RUNX3: variants seen among roughly 807,000 people sequenced by gnomAD.
RUNX3 encodes the protein RUNX family transcription factor 3, also known as runt-related transcription factor 3.
Under a neutral mutation model 27.7 loss-of-function variants are expected in RUNX3, and 10 were observed. The ratio of observed to expected loss-of-function variants is 0.36; its 90% CI spans 0.22 to 0.61. The LOEUF is 0.61. RUNX3 is among the 20% of genes least tolerant of loss of function. The probability of loss-of-function intolerance (pLI) is 0.72; values close to 1 mark genes in which losing one functional copy is unlikely to be tolerated. For missense variants in RUNX3, 469 were observed against 629.5 expected (o/e 0.75, Z 2.73); for synonymous variants, 270 against 269.2 (o/e 1.00, Z -0.03).
At chr1:24,952,715 ACAG>A (rs1219556008) in intron 2 of RUNX3, among the ~76,000 whole-genome samples, 2 of 152,166 alleles carry the variant, frequency 1.3e-5, no homozygotes, top group African/African-American at 4.8e-5. Context: ...TTCAGCCCCC[ACAG>A]CGGCCTGGAG....
intron 2 of RUNX3, among the ~76,000 whole-genome samples, chr1:24,939,567 G>A (rs548238567): frequency 1.3e-4 from 20 of 152,350 alleles, no homozygotes; most frequent in African/African-American, 4.3e-4. Flanking sequence ...ACAGAGGCAG[G>A]CATGGAATCA....
chr1:24,954,367 C>G (rs1250428135), intron 2 of RUNX3, among the ~76,000 whole-genome samples: 1 of 152,110 alleles, frequency 6.6e-6, no homozygotes, highest in Non-Finnish European at 1.5e-5. Flanking sequence ...ATGCTCTCAC[C>G]CAAGGCTTCA....
At chr1:24,903,319 G>A (rs1300454107) in intron 4 of RUNX3, among the ~76,000 whole-genome samples, 1 of 152,208 alleles carries the variant, frequency 6.6e-6, no homozygotes, top group Admixed American at 6.5e-5. Flanking sequence ...GTTCACAGGA[G>A]CTCTGGCCTC....
At chr1:24,961,668 C>T (rs532981109) in intron 2 of RUNX3, 2 of 152,334 alleles carry the variant, frequency 1.3e-5, no homozygotes, top group Admixed American at 1.3e-4. Flanking sequence ...TGCCCAGGCC[C>T]AAACCCTAGA....
At chr1:24,941,802 C>T (rs780713807) in intron 2 of RUNX3, among the ~76,000 whole-genome samples, 1 of 152,208 alleles carries the variant, frequency 6.6e-6, no homozygotes, top group African/African-American at 2.4e-5. Flanking sequence ...AGGGTCATGG[C>T]TGCTGGGGAG....
intron 2 of RUNX3, among the ~76,000 whole-genome samples, chr1:24,921,335 T>C (rs1384326154): frequency 6.6e-6 from 1 of 152,128 alleles, no homozygotes; most frequent in Non-Finnish European, 1.5e-5. Flanking sequence ...CCAGGAGCCA[T>C]GCCACAGGAC....
In RUNX3 at chr1:24,919,545, G is replaced by A. The variant is rs193191215; in HGVS notation, c.440-201C>T. 64 of 481,644 alleles carry A rather than the reference G, an allele frequency of 1.3e-4. No individual in the cohort carries two copies. The Middle Eastern group carries it at 1.6e-3, about 12-fold the overall frequency. The allele number at this position is 481,644 out of a possible 1,614,324, so 29.8% of individuals were successfully genotyped here. A position where few individuals can be genotyped will look rare whatever the true frequency, so the allele number is the denominator to read the frequency against. On this transcript the variant is annotated intron_variant, in intron 2 of 4. Coordinates refer to ENST00000308873, the MANE Select transcript of RUNX3 (RefSeq NM_004350.3). ...CATTCAAGGCCCCTGGGGGTCTGAC[G>A]CCAACTTTGTCAACCCCCCGCCCCA...
rs3085849 is a variant in RUNX3, at chr1:24,901,036, G to GTTTTTTTTTTT, written c.*1075_*1085dup. On this transcript the variant is annotated 3_prime_UTR_variant, in exon 5 of 5. Coordinates refer to ENST00000308873, the MANE Select transcript of RUNX3 (RefSeq NM_004350.3). ...TGTTTTGTTTTTTTTTTGTTTTTTT[G>GTTTTTTTTTTT]TTTTTTTTTTTTTTTTGCTCAGGAC... is the stretch of plus-strand genomic sequence containing the variant. 4.1e-4 allele frequency: 48 copies of GTTTTTTTTTTT among 116,904 alleles called. No homozygotes were observed. The highest frequency in any genetic ancestry group is 1.2e-3 in the African/African-American group (34 of 29,038). The allele number at this position is 116,904 out of a possible 1,614,324, so 7.2% of individuals were successfully genotyped here.
chr1:24,916,266 G>A lies in RUNX3; in HGVS notation c.544+2974C>T, dbSNP rs746005258. Among the ~76,000 whole-genome samples, 16 of 152,198 alleles carry A rather than the reference G, an allele frequency of 1.1e-4. No homozygotes were observed. The highest frequency in any genetic ancestry group is 2.4e-4 in the Non-Finnish European group (16 of 68,034). ...TGAAGGTTGTGGGGGCACTTCCTGG[G>A]GCCAGGCCCCGGTAAACTCAGTCAA... On this transcript the variant is annotated intron_variant, in intron 3 of 4. Transcript: ENST00000308873. The surrounding 1 kb of genome is among the most constrained non-coding windows in gnomAD (Gnocchi z 4.8).
rs76832351 is a variant in RUNX3, at chr1:24,902,804, C to T, written c.704-138G>A. 1,696 of 676,164 alleles carry T rather than the reference C, an allele frequency of 2.5e-3. 22 individuals carry two copies. In the African/African-American group the frequency reaches 0.028, roughly 11 times the overall value. 41.9% of individuals were successfully genotyped at this position (676,164 alleles called of 1,614,324 possible). Reference sequence around the variant, plus strand: ...CTAGACCTGGCTCTCCTCTTCCTGCCCTAGGCTGCCCGGGGCCTCCCCCGC... The same window carrying T: ...CTAGACCTGGCTCTCCTCTTCCTGCTCTAGGCTGCCCGGGGCCTCCCCCGC... On this transcript the variant is annotated intron_variant, in intron 4 of 4. Transcript: ENST00000308873. This position sits in a 1 kb window ranked among gnomAD's most constrained non-coding sequence, Gnocchi z 9.2.
At chr1:24,931,303 C>T (rs1185281031), upstream of RUNX3, among the ~76,000 whole-genome samples, 8 of 152,308 alleles carry the variant, frequency 5.3e-5, no homozygotes, top group Non-Finnish European at 1.2e-4. Context: ...CGGACAGCTT[C>T]GCCAAGGCAC....
At position 24,929,726 on chromosome 1, in the gene RUNX3, G is replaced by T. The variant is rs761778827; in HGVS notation, c.143C>A (p.Ala48Asp). The change falls in exon 1 of 5, where the codon GCC becomes GAC. Residue 48 changes from alanine (A) to aspartate (D), a missense_variant. Ala to Asp is a moderately radical substitution (Grantham distance 126). Around this residue, in one of 3 missense-constraint regions of RUNX3, gnomAD observed 115 missense variants for 118.0 expected, o/e 0.97. Coordinates refer to ENST00000308873, the MANE Select transcript of RUNX3 (RefSeq NM_004350.3). ...CACCATCGAGCGCACCTCGGGCCGGGCGCGCCCTCCGGGCCCCACGGCCGC... is the reference window on the plus strand; with the variant it reads ...CACCATCGAGCGCACCTCGGGCCGGTCGCGCCCTCCGGGCCCCACGGCCGC... ...AQAAVGPGGR[A>D]RPEVRSMVDV... The T allele has an allele frequency of 2.0e-6, 3 of 1,509,252 alleles. No individual in the cohort carries two copies. Among genetic ancestry groups the T allele is most frequent in the Non-Finnish European group, 2.6e-6 (3 of 1,138,914 alleles). The allele number at this position is 1,509,252 out of a possible 1,614,324, so 93.5% of individuals were successfully genotyped here.
chr1:24,917,498 T>G lies in RUNX3; in HGVS notation c.544+1742A>C, dbSNP rs78223256. ...CCACGTGCTGTCCACATGTCGCCCC[T>G]GATCTCCAGGTCCGCAGGGTGGGTG... On this transcript the variant is annotated intron_variant, in intron 3 of 4. Transcript: ENST00000308873. Among the ~76,000 whole-genome samples, 695 of 152,134 alleles carry G rather than the reference T, an allele frequency of 4.6e-3. 2 individuals are homozygous for G. The highest frequency in any genetic ancestry group is 0.016 in the African/African-American group (657 of 41,542).
chr1:24,960,670 G>A (rs115102110), intron 2 of RUNX3, among the ~76,000 whole-genome samples: 10,683 of 151,474 alleles, frequency 0.071, 1,267 homozygotes, highest in African/African-American at 0.25. Context: ...CCTGGTGTGA[G>A]GGGGGGGTGC....
chr1:24,940,353 T>C (rs1270933400), intron 2 of RUNX3, among the ~76,000 whole-genome samples: 1 of 152,184 alleles, frequency 6.6e-6, no homozygotes, highest in African/African-American at 2.4e-5. Context: ...GCTCCATTTC[T>C]GAGCCAATCA....
Position 24,901,937 on chromosome 1 carries a change from G to A in RUNX3, c.*185C>T, listed in dbSNP as rs1476359836. 5 of 580,956 alleles carry A rather than the reference G, an allele frequency of 8.6e-6. No individual in the cohort carries two copies. Among genetic ancestry groups the A allele is most frequent in the Non-Finnish European group, 1.5e-5 (5 of 335,976 alleles). The allele number at this position is 580,956 out of a possible 1,614,324, so 36.0% of individuals were successfully genotyped here. A position where few individuals can be genotyped will look rare whatever the true frequency, so the allele number is the denominator to read the frequency against. On this transcript the variant is annotated 3_prime_UTR_variant, in exon 5 of 5. Coordinates refer to ENST00000308873, the MANE Select transcript of RUNX3 (RefSeq NM_004350.3). ...GGCCGGGGTGGGGGTGGTAACCTAT[G>A]CCTCTGTACAAGGATGTGGCTGCAC...
At chr1:24,931,810 G>T (rs4649037), upstream of RUNX3, among the ~76,000 whole-genome samples, 80,795 of 151,938 alleles carry the variant, frequency 0.53, 21,683 homozygotes, top group South Asian at 0.59. Flanking sequence ...GGACCTCACA[G>T]CACGCCCTCA....
intron 2 of RUNX3, among the ~76,000 whole-genome samples, chr1:24,948,689 T>G (rs1641677971): frequency 8.5e-6 from 1 of 117,522 alleles, no homozygotes. Flanking sequence ...AAGACAGAGG[T>G]GCATGGGAGA....
At chr1:24,929,455 A>G (rs1402922514) in intron 1 of RUNX3, 132 bp downstream of exon 1, 2 of 924,320 alleles carry the variant, frequency 2.2e-6, no homozygotes, top group Non-Finnish European at 3.4e-6. Context: ...GCCAGACTGA[A>G]CCGGGTGCCC....
Sources: allele counts gnomAD v4.1 joint callset (sites outside exome capture counted in the v4.1 genomes callset), GRCh38; gene constraint gnomAD v4.1.1; regional missense constraint gnomAD v4.1.1; non-coding constraint Gnocchi (gnomAD v3.1); transcripts MANE v1.5; gene names NCBI Gene and HGNC (gene_info 2026-07-23, HGNC 2026-07-21).